Variants in EPM2A observed in about 807,000 individuals in gnomAD.
EPM2A encodes the protein laforin.
EPM2A carries 21 observed loss-of-function variants against 26.5 expected under a neutral mutation model. The ratio of observed to expected loss-of-function variants is 0.79; its 90% CI spans 0.56 to 1.14. The LOEUF (loss-of-function observed/expected upper bound fraction) is 1.14, where lower values mean the gene tolerates loss of function less well. Among genes scored for constraint, EPM2A ranks in the 50% most tolerant of loss-of-function variants. The probability of loss-of-function intolerance (pLI) is 0.00; values close to 1 mark genes in which losing one functional copy is unlikely to be tolerated. For synonymous variants in EPM2A, 217 were observed against 177.6 expected (o/e 1.22, Z -1.76); for missense variants, 458 against 440.8 (o/e 1.04, Z -0.35).
At chr6:145,470,206 T>C (rs1324037480) in intron 4 of EPM2A, among the ~76,000 whole-genome samples, 1 of 152,172 alleles carries the variant, frequency 6.6e-6, no homozygotes, top group Non-Finnish European at 1.5e-5. Context: ...AAATAGTATA[T>C]GTTTGAGGTG....
intron 4 of EPM2A, among the ~76,000 whole-genome samples, chr6:145,413,732 C>T (rs985775672): frequency 6.6e-6 from 1 of 152,138 alleles, no homozygotes; most frequent in Non-Finnish European, 1.5e-5. Flanking sequence ...AACCCTGTAA[C>T]TTCTATCTCT....
intron 4 of EPM2A, among the ~76,000 whole-genome samples, chr6:145,401,827 A>G (rs1171575086): frequency 1.3e-5 from 2 of 152,130 alleles, no homozygotes; most frequent in African/African-American, 4.8e-5. Context: ...AAGTGGCTAA[A>G]TCTGGGATAT....
At chr6:145,728,077 T>C (rs1776301417) in intron 1 of EPM2A, among the ~76,000 whole-genome samples, 1 of 152,186 alleles carries the variant, frequency 6.6e-6, no homozygotes, top group African/African-American at 2.4e-5. Flanking sequence ...CCTTCTGCCA[T>C]GTTTGTAAGT....
chr6:145,719,488 G>C (rs1775832215), intron 1 of EPM2A, among the ~76,000 whole-genome samples: 1 of 138,562 alleles, frequency 7.2e-6, no homozygotes, highest in South Asian at 2.7e-4. Flanking sequence ...TGGGGGAGGG[G>C]GGAGGGATAG....
chr6:145,455,401 A>G (rs1046399716), intron 4 of EPM2A, among the ~76,000 whole-genome samples: 1 of 152,200 alleles, frequency 6.6e-6, no homozygotes, highest in Non-Finnish European at 1.5e-5. Flanking sequence ...TCTGTTGCCC[A>G]GGCTAGAGTA....
chr6:145,679,886 T>G (rs1282367575), intron 2 of EPM2A, among the ~76,000 whole-genome samples: 1 of 152,116 alleles, frequency 6.6e-6, no homozygotes, highest in Non-Finnish European at 1.5e-5. Flanking sequence ...TACATAGGCA[T>G]ACGAATATAC....
intron 2 of EPM2A, among the ~76,000 whole-genome samples, chr6:145,589,028 C>A (rs12664195): frequency 6.6e-6 from 1 of 152,192 alleles, no homozygotes; most frequent in East Asian, 1.9e-4. Context: ...GAACTGATAA[C>A]TAGGAAAAGG....
chr6:145,606,864 C>T (rs1285566502), intron 2 of EPM2A, among the ~76,000 whole-genome samples: 2 of 152,154 alleles, frequency 1.3e-5, no homozygotes, highest in Non-Finnish European at 2.9e-5. Flanking sequence ...CATAAGTAAC[C>T]TTAGTCTTGC....
chr6:145,525,662 C>G (rs757472552), intron 2 of EPM2A, among the ~76,000 whole-genome samples: 1 of 152,062 alleles, frequency 6.6e-6, no homozygotes, highest in African/African-American at 2.4e-5. Flanking sequence ...TAAAACTTTA[C>G]TATAGCTGTT....
intron 2 of EPM2A, among the ~76,000 whole-genome samples, chr6:145,526,838 G>T (rs757478555): frequency 6.6e-6 from 1 of 151,748 alleles, no homozygotes; most frequent in South Asian, 2.1e-4. Flanking sequence ...GAGTTCGTTC[G>T]TTCTTATTTT....
intron 2 of EPM2A, among the ~76,000 whole-genome samples, chr6:145,564,286 A>T (rs1266635354): frequency 6.6e-6 from 1 of 152,250 alleles, no homozygotes; most frequent in Non-Finnish European, 1.5e-5. Context: ...ATACACATGC[A>T]TCTATATGCC....
At chr6:145,435,793 T>C (rs947148844) in intron 4 of EPM2A, among the ~76,000 whole-genome samples, 9 of 152,128 alleles carry the variant, frequency 5.9e-5, no homozygotes, top group African/African-American at 2.2e-4. Flanking sequence ...GTTGTTGTTG[T>C]TAATTCATAA....
intron 1 of EPM2A, among the ~76,000 whole-genome samples, chr6:145,711,018 G>A (rs1157361508): frequency 6.6e-6 from 1 of 151,586 alleles, no homozygotes; most frequent in Non-Finnish European, 1.5e-5. Context: ...TATACCTAAT[G>A]TTAAATGACG....
At position 145,444,778 on chromosome 6, in the gene EPM2A, C is replaced by T. The variant is rs187551140; in HGVS notation, c.555+57744G>A. Among the ~76,000 whole-genome samples, 9 of 152,254 alleles carry T rather than the reference C, an allele frequency of 5.9e-5. No homozygotes were observed. In the East Asian group the frequency reaches 1.7e-3, roughly 29 times the overall value. On this transcript the variant is annotated intron_variant, in intron 4 of 4. Coordinates refer to the EPM2A transcript ENST00000638717. ...TCATAACTTTTTGTTTAGAATTGGA[C>T]ATTTTGAATTATAAATACGGTAACT...
intron 2 of EPM2A, among the ~76,000 whole-genome samples, chr6:145,612,232 T>G (rs1010703191): frequency 1.3e-5 from 2 of 152,238 alleles, no homozygotes; most frequent in African/African-American, 4.8e-5. Context: ...TTTATATCTC[T>G]GTTTTTAAAG....
At position 145,665,392 on chromosome 6, in the gene EPM2A, G is replaced by A. The variant is rs1322747600; in HGVS notation, c.476+20730C>T. On this transcript the variant is annotated intron_variant, in intron 2 of 3. Transcript: ENST00000367519. ...CAGAGAATACTACAAACACCTCTAC[G>A]CAAATAAACTAGAAAATCTAGAAGA... 1.2e-4 allele frequency among the ~76,000 whole-genome samples: 11 copies of A among 88,466 alleles called. No homozygotes were observed. In the South Asian group the frequency reaches 3.9e-3, roughly 31 times the overall value. 58.0% of individuals were successfully genotyped at this position (88,466 alleles called of 152,430 possible).
downstream of EPM2A, among the ~76,000 whole-genome samples, chr6:145,501,213 C>T (rs1217194596): frequency 6.6e-6 from 1 of 152,086 alleles, no homozygotes; most frequent in Non-Finnish European, 1.5e-5. Context: ...TAACAATAAT[C>T]ACAAAAATCC....
chr6:145,690,941 A>G (rs1395424010), intron 1 of EPM2A, among the ~76,000 whole-genome samples: 1 of 152,064 alleles, frequency 6.6e-6, no homozygotes, highest in East Asian at 1.9e-4. Flanking sequence ...AAATTACCCA[A>G]TCTAAACAGC....
chr6:145,702,701 T>C (rs980452049), intron 1 of EPM2A, among the ~76,000 whole-genome samples: 1 of 152,180 alleles, frequency 6.6e-6, no homozygotes, highest in Non-Finnish European at 1.5e-5. Context: ...CTCAAATTAT[T>C]TTAACAATAA....
Sources: allele counts gnomAD v4.1 joint callset (sites outside exome capture counted in the v4.1 genomes callset), GRCh38; gene constraint gnomAD v4.1.1; transcripts MANE v1.5; gene names NCBI Gene and HGNC (gene_info 2026-07-23, HGNC 2026-07-21).